The following JARID2 variants were observed in gnomAD, a reference collection of about 807,000 sequenced individuals.
The protein encoded by JARID2 is jumonji and AT-rich interaction domain containing 2.
A neutral mutation model predicts 125.6 loss-of-function variants in JARID2; 21 were observed. The observed-to-expected ratio is 0.17, with a 90% CI of 0.12 to 0.24. The LOEUF is 0.24. Ranked by LOEUF, JARID2 falls within the 10% of genes least tolerant of loss-of-function variation. The pLI is 1.00. For synonymous variants in JARID2, 736 were observed against 661.6 expected, an observed-to-expected ratio of 1.11 and a Z score of -1.73; for missense variants, 1,303 against 1,639.6, an observed-to-expected ratio of 0.79 and a Z score of 3.55.
intron 1 of JARID2, among the ~76,000 whole-genome samples, chr6:15,249,264 C>T (rs902512852): frequency 6.6e-6 from 1 of 152,148 alleles, no homozygotes; most frequent in Non-Finnish European, 1.5e-5. Flanking sequence ...AGGATGTGGC[C>T]GGATGCCTTT....
chr6:15,476,795 ATCAG>A (rs1769360888), intron 5 of JARID2, among the ~76,000 whole-genome samples: 1 of 152,192 alleles, frequency 6.6e-6, no homozygotes, highest in Non-Finnish European at 1.5e-5. Flanking sequence ...AAATAACACA[ATCAG>A]AACACTGCTT....
chr6:15,415,617 G>C (rs547542771), intron 3 of JARID2, among the ~76,000 whole-genome samples: 1 of 145,846 alleles, frequency 6.9e-6, no homozygotes, highest in Non-Finnish European at 1.5e-5. Context: ...CCTCCCTCCC[G>C]GTCGGGGCGG....
At chr6:15,514,582 G>C (rs1477511104) in intron 16 of JARID2, among the ~76,000 whole-genome samples, 2 of 152,180 alleles carry the variant, frequency 1.3e-5, no homozygotes, top group African/African-American at 4.8e-5. Flanking sequence ...GAGTCCTGGC[G>C]TGCCCTGTAG....
intron 1 of JARID2, among the ~76,000 whole-genome samples, chr6:15,331,115 G>A (rs147272007): frequency 4.9e-4 from 74 of 152,160 alleles, no homozygotes; most frequent in African/African-American, 1.6e-3. Flanking sequence ...GAGGCAGTTC[G>A]ATCACTTGAG....
At chr6:15,326,080 C>A (rs1313752708) in intron 1 of JARID2, among the ~76,000 whole-genome samples, 2 of 151,820 alleles carry the variant, frequency 1.3e-5, no homozygotes, top group Admixed American at 6.6e-5. Flanking sequence ...TATATGAAAC[C>A]CAGGTAAACA....
intron 1 of JARID2, among the ~76,000 whole-genome samples, chr6:15,366,509 CGG>C (rs1217236890): frequency 2.1e-4 from 1 of 4,876 alleles, no homozygotes; most frequent in East Asian, 1.5e-3. Context: ...GGGTGGGGGG[CGG>C]GGGGGGCGGG....
chr6:15,397,044 T>G (rs1581502159), intron 2 of JARID2, among the ~76,000 whole-genome samples: 1 of 152,360 alleles, frequency 6.6e-6, no homozygotes, highest in Non-Finnish European at 1.5e-5. Flanking sequence ...TTACCAAGCC[T>G]TCTTGGAAAG....
intron 1 of JARID2, among the ~76,000 whole-genome samples, chr6:15,363,633 A>G (rs1763874472): frequency 6.6e-6 from 1 of 152,226 alleles, no homozygotes; most frequent in Admixed American, 6.5e-5. Flanking sequence ...GATCTGTACT[A>G]CTTCACACCT....
At chr6:15,463,945 T>G (rs1768584317) in intron 4 of JARID2, among the ~76,000 whole-genome samples, 1 of 152,226 alleles carries the variant, frequency 6.6e-6, no homozygotes, top group Non-Finnish European at 1.5e-5. Context: ...TCCTCTGCAT[T>G]TATTTCTAAA....
At chr6:15,474,012 G>A (rs905144476) in intron 5 of JARID2, among the ~76,000 whole-genome samples, 2 of 152,208 alleles carry the variant, frequency 1.3e-5, no homozygotes, top group Non-Finnish European at 2.9e-5. Context: ...AGAACACTGA[G>A]CTCTCAGTAG....
chr6:15,383,569 C>A (rs1461472898), intron 2 of JARID2, among the ~76,000 whole-genome samples: 1 of 152,114 alleles, frequency 6.6e-6, no homozygotes, highest in Admixed American at 6.5e-5. Context: ...AAGAAAATGT[C>A]TAAAAGGTTT....
intron 3 of JARID2, among the ~76,000 whole-genome samples, chr6:15,446,143 T>G (rs962269286): frequency 6.6e-6 from 1 of 152,202 alleles, no homozygotes; most frequent in Admixed American, 6.5e-5. Flanking sequence ...TCCTAAATCA[T>G]GAGTGATGGG....
intron 5 of JARID2, among the ~76,000 whole-genome samples, chr6:15,479,873 A>C (rs1247477103): frequency 6.6e-6 from 1 of 152,248 alleles, no homozygotes; most frequent in Non-Finnish European, 1.5e-5. Flanking sequence ...CAGCACTCAC[A>C]CATGCTACAT....
intron 5 of JARID2, among the ~76,000 whole-genome samples, chr6:15,469,315 T>TCTCTC (rs1384828225): frequency 8.0e-6 from 1 of 124,966 alleles, no homozygotes; most frequent in African/African-American, 3.1e-5. Context: ...TCTCTCTCTC[T>TCTCTC]CTGTCTCTCT....
chr6:15,403,600 T>C (rs1765526696), intron 2 of JARID2, among the ~76,000 whole-genome samples: 1 of 152,094 alleles, frequency 6.6e-6, no homozygotes, highest in South Asian at 2.1e-4. Flanking sequence ...AAGGATAGAG[T>C]CAGACATTTT....
chr6:15,406,520 A>G (rs1017589114), intron 2 of JARID2, among the ~76,000 whole-genome samples: 1 of 152,230 alleles, frequency 6.6e-6, no homozygotes, highest in South Asian at 2.1e-4. Context: ...AATCTGGAAC[A>G]TGAATGTGAT....
chr6:15,317,061 G>A (rs12201889), intron 1 of JARID2, among the ~76,000 whole-genome samples: 4,855 of 152,270 alleles, frequency 0.032, 128 homozygotes, highest in South Asian at 0.11. Flanking sequence ...AATGGGTTGT[G>A]ATTTTGTGCT....
At chr6:15,344,871 T>G (rs1763195030) in intron 1 of JARID2, among the ~76,000 whole-genome samples, 1 of 152,200 alleles carries the variant, frequency 6.6e-6, no homozygotes, top group African/African-American at 2.4e-5. Flanking sequence ...AAAAACGTTT[T>G]GAAGGCATTG....
chr6:15,296,346 A>G (rs1428160194), intron 1 of JARID2, among the ~76,000 whole-genome samples: 2 of 152,186 alleles, frequency 1.3e-5, no homozygotes, highest in Non-Finnish European at 1.5e-5. Flanking sequence ...ATAACACGAT[A>G]TTCTCTGCAT....
Sources: allele counts gnomAD v4.1 joint callset (sites outside exome capture counted in the v4.1 genomes callset), GRCh38; gene constraint gnomAD v4.1.1; transcripts MANE v1.5; gene names NCBI Gene and HGNC (gene_info 2026-07-23, HGNC 2026-07-21).